VPS13B: variants seen among roughly 807,000 people sequenced by gnomAD.
VPS13B encodes vacuolar protein sorting 13 homolog B.
Under a neutral mutation model 426.4 loss-of-function variants are expected in VPS13B, and 285 were observed. The ratio of observed to expected loss-of-function variants is 0.67; its 90% confidence interval spans 0.61 to 0.74. The LOEUF is 0.74. VPS13B is among the 30% of genes least tolerant of loss of function. The pLI, the probability that VPS13B is intolerant of heterozygous loss-of-function variation, is 0.00. For synonymous variants in VPS13B, 1,676 were observed against 1,676.4 expected (o/e 1.00, Z 0.01); for missense variants, 4,537 against 4,782.6 (o/e 0.95, Z 1.51).
intron 19 of VPS13B, among the ~76,000 whole-genome samples, chr8:99,320,761 T>G (rs1297221668): frequency 6.6e-6 from 1 of 152,224 alleles, no homozygotes; most frequent in Non-Finnish European, 1.5e-5. Context: ...ATTTGATGAT[T>G]ATTATGAATA....
intron 19 of VPS13B, among the ~76,000 whole-genome samples, chr8:99,374,125 T>A (rs9987273): frequency 0.33 from 50,768 of 151,592 alleles, 9,809 homozygotes; most frequent in South Asian, 0.51. Flanking sequence ...TGATGAGAAA[T>A]TATCCTTATC....
intron 44 of VPS13B, among the ~76,000 whole-genome samples, chr8:99,810,060 A>C (rs910823610): frequency 2.0e-5 from 3 of 152,204 alleles, no homozygotes; most frequent in Non-Finnish European, 4.4e-5. Context: ...AACTCTTGGC[A>C]TATAAAACCT....
At chr8:99,583,768 A>G (rs900794107) in intron 33 of VPS13B, among the ~76,000 whole-genome samples, 6 of 152,170 alleles carry the variant, frequency 3.9e-5, no homozygotes, top group African/African-American at 1.4e-4. Context: ...GATGAGGGAT[A>G]TAGAGGAAAT....
intron 33 of VPS13B, 93 bp downstream of exon 33, chr8:99,577,726 C>A: frequency 6.9e-7 from 1 of 1,439,800 alleles, no homozygotes; most frequent in Non-Finnish European, 9.7e-7. Flanking sequence ...CTGCTTTCTG[C>A]TTAATTATTC....
intron 39 of VPS13B, among the ~76,000 whole-genome samples, chr8:99,761,831 T>G (rs1263781934): frequency 1.3e-5 from 2 of 152,176 alleles, no homozygotes; most frequent in Non-Finnish European, 2.9e-5. Flanking sequence ...TAATTTTTTA[T>G]TTTTAGTTAG....
chr8:99,029,681 C>G (rs1196475994), intron 2 of VPS13B, among the ~76,000 whole-genome samples: 1 of 151,486 alleles, frequency 6.6e-6, no homozygotes, highest in African/African-American at 2.4e-5. Context: ...CAGGCTGAGG[C>G]AGGAGAATCA....
intron 35 of VPS13B, among the ~76,000 whole-genome samples, chr8:99,692,716 A>G (rs1831738412): frequency 7.2e-6 from 1 of 138,112 alleles, no homozygotes; most frequent in African/African-American, 2.8e-5. Flanking sequence ...AAGGAAATAG[A>G]GAAACAAAAA....
chr8:99,536,062 G>A (rs2133708031), intron 30 of VPS13B, among the ~76,000 whole-genome samples: 1 of 150,774 alleles, frequency 6.6e-6, no homozygotes, highest in South Asian at 2.1e-4. Flanking sequence ...CAATTCTCCT[G>A]CCTCAGACTC....
At chr8:99,031,451 G>A (rs978468413) in intron 2 of VPS13B, among the ~76,000 whole-genome samples, 4 of 152,102 alleles carry the variant, frequency 2.6e-5, no homozygotes, top group Non-Finnish European at 5.9e-5. Context: ...GAGGTGTCAT[G>A]TTTCCATGCC....
intron 8 of VPS13B, among the ~76,000 whole-genome samples, chr8:99,125,923 A>G (rs1438408940): frequency 6.6e-6 from 1 of 152,102 alleles, no homozygotes; most frequent in Non-Finnish European, 1.5e-5. Flanking sequence ...TTGTGGAGCT[A>G]AAGACTTTTT....
At chr8:99,122,950 T>TA (rs1367192547) in intron 8 of VPS13B, among the ~76,000 whole-genome samples, 247 of 142,148 alleles carry the variant, frequency 1.7e-3, no homozygotes, top group East Asian at 3.7e-3. Flanking sequence ...CCATCTCTAC[T>TA]AAAAAAAAAA....
chr8:99,369,787 T>G (rs974017893), intron 19 of VPS13B, among the ~76,000 whole-genome samples: 1 of 152,246 alleles, frequency 6.6e-6, no homozygotes. Context: ...AATGTTAATA[T>G]TGATTAATAA....
At chr8:99,588,739 T>A (rs1361659544) in intron 33 of VPS13B, among the ~76,000 whole-genome samples, 1 of 151,768 alleles carries the variant, frequency 6.6e-6, no homozygotes, top group Non-Finnish European at 1.5e-5. Flanking sequence ...TTTCTAAATA[T>A]ACAGTCATGT....
chr8:99,290,523 A>G (rs1056151795), intron 19 of VPS13B, among the ~76,000 whole-genome samples: 4 of 151,960 alleles, frequency 2.6e-5, no homozygotes, highest in African/African-American at 9.7e-5. Context: ...GGGGAGAGGG[A>G]AGGGATAGCA....
intron 3 of VPS13B, among the ~76,000 whole-genome samples, chr8:99,087,240 G>C (rs578006037): frequency 6.6e-6 from 1 of 152,198 alleles, no homozygotes; most frequent in African/African-American, 2.4e-5. Flanking sequence ...CTCTGTGGGC[G>C]TAGGACCCAC....
chr8:99,663,303 TG>T (rs747523714), intron 35 of VPS13B, among the ~76,000 whole-genome samples: 21 of 152,298 alleles, frequency 1.4e-4, no homozygotes, highest in Non-Finnish European at 2.4e-4. Flanking sequence ...TTCTTCAGCA[TG>T]TTTTTCTAGT....
intron 3 of VPS13B, among the ~76,000 whole-genome samples, chr8:99,061,498 G>T (rs1844189010): frequency 6.6e-6 from 1 of 151,958 alleles, no homozygotes; most frequent in Admixed American, 6.6e-5. Context: ...AGTTCTAAAT[G>T]TGGTTAGGTT....
rs1316147729 is a variant in VPS13B at position 99,187,706 on chromosome 8, T to G, written c.2334-5170T>G. Among the ~76,000 whole-genome samples, 12 of 152,242 alleles carry G rather than the reference T, an allele frequency of 7.9e-5. No individual in the cohort carries two copies. The East Asian group carries it at 1.4e-3, about 17-fold the overall frequency. On this transcript the variant is annotated intron_variant, in intron 16 of 61. Transcript: ENST00000357162. ...TGGGTAGGCCGGGTGCAGTGACTCA[T>G]GCCTGTAATCCCAACACTTTGGGAG...
chr8:99,177,924 A>G (rs1812723196), intron 16 of VPS13B, among the ~76,000 whole-genome samples: 1 of 152,202 alleles, frequency 6.6e-6, no homozygotes, highest in African/African-American at 2.4e-5. Flanking sequence ...ATTCTATTCT[A>G]GTGACAGCAT....
Sources: gnomAD v4.1 joint callset for allele counts (sites outside exome capture counted in the v4.1 genomes callset) on GRCh38, gnomAD v4.1.1 for gene constraint, MANE v1.5 for transcripts, NCBI Gene and HGNC (gene_info 2026-07-23, HGNC 2026-07-21) for gene names.